Variants in PIK3R5 observed in about 807,000 individuals in gnomAD.
The protein encoded by PIK3R5 is phosphoinositide 3-kinase regulatory subunit 5.
Under a neutral mutation model 94.9 loss-of-function variants are expected in PIK3R5, and 32 were observed. The observed-to-expected ratio is 0.34, with a 90% CI of 0.25 to 0.45. The LOEUF is 0.45. PIK3R5 is among the 20% of genes least tolerant of loss of function. The pLI is 1.00. For missense variants in PIK3R5, 853 were observed against 1,144.6 expected, an observed-to-expected ratio of 0.75 and a Z score of 3.68; for synonymous variants, 443 against 479.4, an observed-to-expected ratio of 0.92 and a Z score of 0.99.
rs548613372 is a variant in PIK3R5, at chr17:8,879,093, C to A, written c.*1546G>T. The A allele has an allele frequency of 2.0e-5, 3 of 152,128 alleles. No individual in the cohort carries two copies. Among genetic ancestry groups the A allele is most frequent in the Admixed American group, 2.0e-4 (3 of 15,278 alleles). The allele number at this position is 152,128 out of a possible 1,614,324, so 9.4% of individuals were successfully genotyped here. On this transcript the variant is annotated 3_prime_UTR_variant, in exon 19 of 19. Coordinates refer to ENST00000447110, the MANE Select transcript of PIK3R5 (RefSeq NM_001142633.3). This position sits in a 1 kb window ranked among gnomAD's most constrained non-coding sequence, Gnocchi z 4.4. ...AGCAGACATTAAGACAGGGGAGAGA[C>A]GGCCAGGCAAGGTAGAAGCTGGCTC...
In PIK3R5 at chr17:8,890,136, CAGG is replaced by C. The variant is rs775183951; in HGVS notation, c.658-13_658-11del. On this transcript the variant is annotated splice_polypyrimidine_tract_variant and intron_variant, in intron 7 of 18. Coordinates refer to ENST00000447110, the MANE Select transcript of PIK3R5 (RefSeq NM_001142633.3). This position sits in a 1 kb window ranked among gnomAD's most constrained non-coding sequence, Gnocchi z 6.1. Reference sequence around the variant, plus strand: ...CTGCCAGGGTCTTGGCCTGAAACCCCAGGAGGAGATGGGCTTTGCTCCTGGACC... The same window carrying C: ...CTGCCAGGGTCTTGGCCTGAAACCCCAGGAGATGGGCTTTGCTCCTGGACC... 14 of 1,613,412 alleles carry C rather than the reference CAGG, an allele frequency of 8.7e-6. No individual in the cohort carries two copies. In the East Asian group the frequency reaches 1.1e-4, roughly 13 times the overall value.
At chr17:8,919,696 A>C (rs1352638799) in intron 1 of PIK3R5, among the ~76,000 whole-genome samples, 5 of 152,196 alleles carry the variant, frequency 3.3e-5, no homozygotes, top group Non-Finnish European at 5.9e-5. Flanking sequence ...GACAGGGCAC[A>C]CCATGTGTGT....
Position 8,884,803 on chromosome 17 carries a change from AC to A in PIK3R5, c.2129-21del. On this transcript the variant is annotated intron_variant, in intron 14 of 18. Transcript: ENST00000447110. This position sits in a 1 kb window ranked among gnomAD's most constrained non-coding sequence, Gnocchi z 5.8. Reference sequence around the variant, plus strand: ...CAGGACCTGTGCCACACACAGACAGACCCTTCACTACCCCTGGCTTCCCCGG... The same window carrying A: ...CAGGACCTGTGCCACACACAGACAGACCTTCACTACCCCTGGCTTCCCCGG... The A allele has an allele frequency of 6.2e-7, 1 of 1,609,398 alleles. No homozygotes were observed. The highest frequency in any genetic ancestry group is 1.1e-5 in the South Asian group (1 of 91,026).
At position 8,882,941 on chromosome 17, in the gene PIK3R5, T is replaced by C. The variant is rs2089716144; in HGVS notation, c.2206-1060A>G. 6.6e-6 allele frequency among the ~76,000 whole-genome samples: 1 copy of C among 152,192 alleles called. No homozygotes were observed. The highest frequency in any genetic ancestry group is 2.1e-4 in the South Asian group (1 of 4,816). On this transcript the variant is annotated intron_variant, in intron 15 of 18. Coordinates refer to ENST00000447110, the MANE Select transcript of PIK3R5 (RefSeq NM_001142633.3). This position sits in a 1 kb window ranked among gnomAD's most constrained non-coding sequence, Gnocchi z 4.1. ...CCTTCCTGCATCACTTGTGGACCCTTCCTATCTGTCCTCCACAGAGCTGCC... is the reference window on the plus strand; with the variant it reads ...CCTTCCTGCATCACTTGTGGACCCTCCCTATCTGTCCTCCACAGAGCTGCC...
chr17:8,888,295 G>T lies in PIK3R5; in HGVS notation c.1492C>A (p.Arg498Ser), dbSNP rs750803113. 23 of 1,613,016 alleles carry T rather than the reference G, an allele frequency of 1.4e-5. No individual in the cohort carries two copies. Among genetic ancestry groups the T allele is most frequent in the Non-Finnish European group, 1.9e-5 (23 of 1,179,812 alleles). The change falls in exon 10 of 19, where the codon CGC becomes AGC. Residue 498 changes from arginine to serine, a missense_variant. Around this residue, in one of 6 missense-constraint regions of PIK3R5, gnomAD observed 319 missense variants for 339.8 expected, o/e 0.94. Coordinates refer to ENST00000447110, the MANE Select transcript of PIK3R5 (RefSeq NM_001142633.3). This position sits in a 1 kb window ranked among gnomAD's most constrained non-coding sequence, Gnocchi z 7.8. The stretch of plus-strand genomic sequence containing the variant: ...AGGAAGGGGCGGCGGCGCTGGGGGC[G>T]TGAAGCAGGGGCCAGAAGCCAGCTG... ...LPSWLLAPAS[R>S]PQRRRPFLSG...
rs1479747380 is a variant in PIK3R5, at chr17:8,958,761, T to TCTC, written c.-14+6834_-14+6835insGAG. 3.7e-5 allele frequency among the ~76,000 whole-genome samples: 5 copies of TCTC among 136,812 alleles called. No individual in the cohort carries two copies. The East Asian group carries it at 8.0e-4, about 22-fold the overall frequency. The allele number at this position is 136,812 out of a possible 152,430, so 89.8% of individuals were successfully genotyped here. A position where few individuals can be genotyped will look rare whatever the true frequency, so the allele number is the denominator to read the frequency against. On this transcript the variant is annotated intron_variant, in intron 1 of 18. Transcript: ENST00000447110. Reference sequence around the variant, plus strand: ...AGACACCTTTTTTTTTCTCTCTCTCTTTTTTTTTTTTTCTGAGATGAAGTT... The same window carrying TCTC: ...AGACACCTTTTTTTTTCTCTCTCTCTCTCTTTTTTTTTTTTCTGAGATGAAGTT...
chr17:8,925,065 G>A lies in PIK3R5; in HGVS notation c.-13-13558C>T, dbSNP rs111261572. Reference sequence around the variant, plus strand: ...TGAATAGATAGATAGATAGTAGATGGATAGATGGATAGATAGATAGTGGAT... The same window carrying A: ...TGAATAGATAGATAGATAGTAGATGAATAGATGGATAGATAGATAGTGGAT... On this transcript the variant is annotated intron_variant, in intron 1 of 18. Transcript: ENST00000447110. The surrounding 1 kb of genome is among the most constrained non-coding windows in gnomAD (Gnocchi z 5.1). Among the ~76,000 whole-genome samples the A allele has an allele frequency of 1.0e-2, 1,518 of 152,252 alleles. 27 individuals carry two copies. Among genetic ancestry groups the A allele is most frequent in the African/African-American group, 0.033 (1,360 of 41,542 alleles).
chr17:8,918,314 G>A (rs1320247157), intron 1 of PIK3R5, among the ~76,000 whole-genome samples: 2 of 152,220 alleles, frequency 1.3e-5, no homozygotes, highest in African/African-American at 2.4e-5. Flanking sequence ...AGCACATCTT[G>A]TAGTGCCAGA....
intron 1 of PIK3R5, among the ~76,000 whole-genome samples, chr17:8,960,811 A>G (rs1375515776): frequency 2.0e-5 from 3 of 152,202 alleles, no homozygotes; most frequent in African/African-American, 7.2e-5. Context: ...TGAGGACATG[A>G]AAATGAAAAG....
chr17:8,931,214 T>C (rs2090981126), intron 1 of PIK3R5, among the ~76,000 whole-genome samples: 1 of 152,220 alleles, frequency 6.6e-6, no homozygotes, highest in Non-Finnish European at 1.5e-5. Context: ...GTCTGATCTT[T>C]ATCCTTCTAA....
Position 8,893,046 on chromosome 17 carries a change from CTGTGTGTGTGTGTGTG to C in PIK3R5, c.482+524_482+539del, listed in dbSNP as rs199732856. On this transcript the variant is annotated intron_variant, in intron 6 of 18. Coordinates refer to ENST00000447110, the MANE Select transcript of PIK3R5 (RefSeq NM_001142633.3). This position sits in a 1 kb window ranked among gnomAD's most constrained non-coding sequence, Gnocchi z 5.1. ...GTAACCAGGATACATTTCATTTCAG[CTGTGTGTGTGTGTGTG>C]TGTGTGTGTGTGTGTGTGTGTGTTT... Among the ~76,000 whole-genome samples, 1 of 135,788 alleles carries C rather than the reference CTGTGTGTGTGTGTGTG, an allele frequency of 7.4e-6. No individual in the cohort carries two copies. Among genetic ancestry groups the C allele is most frequent in the Non-Finnish European group, 1.6e-5 (1 of 64,306 alleles). 89.1% of individuals were successfully genotyped at this position (135,788 alleles called of 152,430 possible).
intron 1 of PIK3R5, among the ~76,000 whole-genome samples, chr17:8,921,987 T>C (rs554819139): frequency 1.3e-4 from 20 of 152,296 alleles, no homozygotes; most frequent in African/African-American, 4.6e-4. Context: ...AGGCAAGCCA[T>C]GTTATGGAAG....
Position 8,888,191 on chromosome 17 carries a change from A to C in PIK3R5, c.1596T>G (p.Ala532=). The C allele has an allele frequency of 6.2e-7, 1 of 1,613,344 alleles. No homozygotes were observed. The highest frequency in any genetic ancestry group is 8.5e-7 in the Non-Finnish European group (1 of 1,179,960). ...FGSDRISGKV[A]RAYSNLRRLE... ...CTTACCGAAGGTTGCTGTACGCCCG[A>C]GCCACCTTCCCTGAAATCCGATCGG... The change falls in exon 10 of 19, where the codon GCT becomes GCG. Residue 532 remains alanine, a synonymous_variant. Coordinates refer to ENST00000447110, the MANE Select transcript of PIK3R5 (RefSeq NM_001142633.3). This position sits in a 1 kb window ranked among gnomAD's most constrained non-coding sequence, Gnocchi z 7.8.
intron 1 of PIK3R5, among the ~76,000 whole-genome samples, chr17:8,930,250 A>G (rs1275254278): frequency 6.6e-6 from 1 of 152,256 alleles, no homozygotes; most frequent in East Asian, 1.9e-4. Flanking sequence ...AGTGCATTCT[A>G]TGACCACAAT....
rs2089705245 is a variant in PIK3R5 at position 8,882,659 on chromosome 17, T to C, written c.2206-778A>G. ...TCAAGGCCTCTCAACCTCAATAATATGTCCCGACCCAAACTCAAGCTCTTC... is the reference window on the plus strand; with the variant it reads ...TCAAGGCCTCTCAACCTCAATAATACGTCCCGACCCAAACTCAAGCTCTTC... On this transcript the variant is annotated intron_variant, in intron 15 of 18. Coordinates refer to ENST00000447110, the MANE Select transcript of PIK3R5 (RefSeq NM_001142633.3). The surrounding 1 kb of genome is among the most constrained non-coding windows in gnomAD (Gnocchi z 4.1). Among the ~76,000 whole-genome samples the C allele has an allele frequency of 6.6e-6, 1 of 152,124 alleles. No individual in the cohort carries two copies. Among genetic ancestry groups the C allele is most frequent in the South Asian group, 2.1e-4 (1 of 4,816 alleles).
intron 5 of PIK3R5, among the ~76,000 whole-genome samples, chr17:8,901,743 A>G (rs1597388751): frequency 1.3e-5 from 2 of 152,332 alleles, no homozygotes; most frequent in African/African-American, 4.8e-5. Flanking sequence ...TAGTTATTCA[A>G]CATCTTTTGA....
chr17:8,950,307 G>A (rs2091354473), intron 1 of PIK3R5, among the ~76,000 whole-genome samples: 1 of 152,138 alleles, frequency 6.6e-6, no homozygotes, highest in African/African-American at 2.4e-5. Context: ...TAAAATATAT[G>A]CAATATAAAA....
intron 1 of PIK3R5, among the ~76,000 whole-genome samples, chr17:8,952,928 G>A (rs1395226495): frequency 2.6e-5 from 4 of 152,150 alleles, no homozygotes; most frequent in Non-Finnish European, 5.9e-5. Flanking sequence ...TACCATGGCT[G>A]CAACCCAATC....
intron 3 of PIK3R5, among the ~76,000 whole-genome samples, chr17:8,907,354 T>C (rs1214852619): frequency 6.6e-6 from 1 of 152,100 alleles, no homozygotes; most frequent in Non-Finnish European, 1.5e-5. Flanking sequence ...ATTGTGGACA[T>C]TCAAGATTAT....
Sources: gnomAD v4.1 joint callset for allele counts (sites outside exome capture counted in the v4.1 genomes callset) on GRCh38, gnomAD v4.1.1 for gene constraint, gnomAD v4.1.1 regional missense constraint, Gnocchi (gnomAD v3.1) non-coding constraint, MANE v1.5 for transcripts, NCBI Gene and HGNC (gene_info 2026-07-23, HGNC 2026-07-21) for gene names.